NCKAP1: variants seen among roughly 807,000 people sequenced by gnomAD.
The protein encoded by NCKAP1 is NCK associated protein 1.
Under a neutral mutation model 151.2 loss-of-function variants are expected in NCKAP1, and 21 were observed. The observed-to-expected ratio is 0.14, with a 90% CI of 0.10 to 0.20. NCKAP1 has a LOEUF of 0.20. NCKAP1 is among the 10% of genes least tolerant of loss of function. The pLI is 1.00. For synonymous variants in NCKAP1, 484 were observed against 451.8 expected, an observed-to-expected ratio of 1.07 and a Z score of -0.90; for missense variants, 933 against 1,352.1, an observed-to-expected ratio of 0.69 and a Z score of 4.86.
chr2:183,018,559 C>T (rs1698738603), intron 2 of NCKAP1, among the ~76,000 whole-genome samples: 1 of 152,178 alleles, frequency 6.6e-6, no homozygotes, highest in Non-Finnish European at 1.5e-5. Flanking sequence ...CCCTAAAACA[C>T]ATTTATGTTT....
At chr2:182,934,277 A>G (rs986129643) in intron 26 of NCKAP1, 3 of 151,084 alleles carry the variant, frequency 2.0e-5, no homozygotes, top group African/African-American at 7.3e-5. Context: ...AGCTGGGACT[A>G]CAGGCACCCG....
chr2:183,026,755 C>T (rs1351916560), intron 1 of NCKAP1, among the ~76,000 whole-genome samples: 1 of 152,104 alleles, frequency 6.6e-6, no homozygotes, highest in African/African-American at 2.4e-5. Flanking sequence ...GAAATTAGTA[C>T]TTACCTCACA....
intron 15 of NCKAP1, among the ~76,000 whole-genome samples, chr2:182,970,024 G>T (rs2105841516): frequency 6.6e-6 from 1 of 152,184 alleles, no homozygotes; most frequent in Non-Finnish European, 1.5e-5. Context: ...AAACCGACAT[G>T]AAATGGATAC....
At chr2:182,997,811 T>A (rs1698299302) in intron 6 of NCKAP1, among the ~76,000 whole-genome samples, 2 of 152,110 alleles carry the variant, frequency 1.3e-5, no homozygotes, top group Admixed American at 1.3e-4. Flanking sequence ...GGGGAGGGGC[T>A]CCTCATCATT....
At chr2:182,964,611 T>C (rs1697526275) in intron 17 of NCKAP1, 65 bp downstream of exon 17, 1 of 1,331,464 alleles carries the variant, frequency 7.5e-7, no homozygotes, top group African/African-American at 1.5e-5. Context: ...AATATTTGGT[T>C]GGCTACAGGT....
intron 1 of NCKAP1, among the ~76,000 whole-genome samples, chr2:183,027,513 T>C (rs147353335): frequency 6.6e-6 from 1 of 152,142 alleles, no homozygotes; most frequent in African/African-American, 2.4e-5. Flanking sequence ...CTAAAAGTTA[T>C]CAGCTAGGTA....
chr2:182,987,173 C>G (rs1698073447), intron 9 of NCKAP1, among the ~76,000 whole-genome samples: 2 of 152,048 alleles, frequency 1.3e-5, no homozygotes, highest in African/African-American at 2.4e-5. Context: ...TGCCGTGAGG[C>G]AGAGGTTGCA....
intron 9 of NCKAP1, among the ~76,000 whole-genome samples, chr2:182,988,677 C>T (rs999182313): frequency 2.0e-5 from 3 of 152,100 alleles, no homozygotes; most frequent in Admixed American, 6.6e-5. Flanking sequence ...CAAGTACACC[C>T]TATTCTAAAA....
chr2:182,984,890 T>G (rs1396658476), intron 10 of NCKAP1, among the ~76,000 whole-genome samples: 1 of 152,164 alleles, frequency 6.6e-6, no homozygotes, highest in African/African-American at 2.4e-5. Context: ...TACTTATATT[T>G]TATTTAATAA....
In NCKAP1 at chr2:182,966,623, C is replaced by T. The variant is rs79647278; in HGVS notation, c.1628+593G>A. Among the ~76,000 whole-genome samples the T allele has an allele frequency of 4.4e-3, 677 of 152,168 alleles. 3 individuals carry two copies. The highest frequency in any genetic ancestry group is 8.1e-3 in the Non-Finnish European group (549 of 67,998). ...ATCAATCTGATCACAACTAAGTTGACTTATTCATTCAAAGATTTATTAAAT... is the reference window on the plus strand; with the variant it reads ...ATCAATCTGATCACAACTAAGTTGATTTATTCATTCAAAGATTTATTAAAT... On this transcript the variant is annotated intron_variant, in intron 16 of 30. Coordinates refer to ENST00000361354, the MANE Select transcript of NCKAP1 (RefSeq NM_013436.5).
chr2:182,915,241 C>A lies in NCKAP1; in HGVS notation c.*10461G>T, dbSNP rs1173510718. 2 of 152,218 alleles carry A rather than the reference C, an allele frequency of 1.3e-5. No homozygotes were observed. The highest frequency in any genetic ancestry group is 2.9e-5 in the Non-Finnish European group (2 of 68,044). 9.4% of individuals were successfully genotyped at this position (152,218 alleles called of 1,614,324 possible). A position where few individuals can be genotyped will look rare whatever the true frequency, so the allele number is the denominator to read the frequency against. Reference sequence around the variant, plus strand: ...TAGAAGCATTTCTCTAGACACCACACCTATTTTCCAACTGTAATATTCTGT... The same window carrying A: ...TAGAAGCATTTCTCTAGACACCACAACTATTTTCCAACTGTAATATTCTGT... On this transcript the variant is annotated 3_prime_UTR_variant, in exon 31 of 31. Transcript: ENST00000361354.
chr2:182,998,899 G>A (rs985293699), intron 6 of NCKAP1, among the ~76,000 whole-genome samples: 5 of 140,536 alleles, frequency 3.6e-5, no homozygotes, highest in Non-Finnish European at 6.2e-5. Flanking sequence ...CTTACTAATA[G>A]CCACAAAAAA....
chr2:183,003,447 T>C (rs1361189091), intron 2 of NCKAP1, 122 bp from the exon 3 acceptor site: 3 of 642,718 alleles, frequency 4.7e-6, no homozygotes, highest in Non-Finnish European at 7.9e-6. Flanking sequence ...TTCTAGATGA[T>C]TACGGCTTTT....
At position 182,957,649 on chromosome 2, in the gene NCKAP1, T is replaced by A. The variant is rs1386127590; in HGVS notation, c.1882-53A>T. ...CATTACACCAATTACTCTGAAAGCA[T>A]ACTAACTATTCAAGCAAACAGTAGC... On this transcript the variant is annotated intron_variant, in intron 18 of 30. Coordinates refer to ENST00000361354, the MANE Select transcript of NCKAP1 (RefSeq NM_013436.5). 2.6e-6 allele frequency: 4 copies of A among 1,559,336 alleles called. No homozygotes were observed. The African/African-American group carries it at 5.5e-5, about 21-fold the overall frequency.
chr2:183,026,605 G>C (rs997177501), intron 1 of NCKAP1, among the ~76,000 whole-genome samples: 1 of 151,986 alleles, frequency 6.6e-6, no homozygotes, highest in Non-Finnish European at 1.5e-5. Context: ...TTAATTGGGA[G>C]GCAGTATGTC....
At chr2:183,032,070 C>A (rs2105900679) in intron 1 of NCKAP1, among the ~76,000 whole-genome samples, 1 of 152,128 alleles carries the variant, frequency 6.6e-6, no homozygotes, top group Non-Finnish European at 1.5e-5. Flanking sequence ...TTTTTCTGTT[C>A]AAGTTAAGTT....
rs775385656 is a variant in NCKAP1 at position 182,964,796 on chromosome 2, A to G, written c.1641T>C (p.Arg547=). 1 of 1,601,296 alleles carries G rather than the reference A, an allele frequency of 6.2e-7. No homozygotes were observed. Among genetic ancestry groups the G allele is most frequent in the Admixed American group, 1.7e-5 (1 of 57,478 alleles). ...ACTGTTGAAACATCTTCTCAAAAGC[A>G]CGACTATAAAAACTATATAAACAAA... ...SDLSIFCFYS[R]AFEKMFQQCL... is the part of the protein sequence containing the mutation. The change falls in exon 17 of 31, where the codon CGT becomes CGC. Residue 547 remains arginine, a synonymous_variant. Coordinates refer to ENST00000361354, the MANE Select transcript of NCKAP1 (RefSeq NM_013436.5).
At chr2:183,017,212 G>C (rs900735490) in intron 2 of NCKAP1, among the ~76,000 whole-genome samples, 9 of 152,112 alleles carry the variant, frequency 5.9e-5, no homozygotes, top group African/African-American at 2.2e-4. Context: ...CCATGTACTG[G>C]GGCGGAGGGG....
intron 15 of NCKAP1, among the ~76,000 whole-genome samples, chr2:182,969,927 T>G (rs1697652004): frequency 6.6e-6 from 1 of 151,446 alleles, no homozygotes; most frequent in Non-Finnish European, 1.5e-5. Flanking sequence ...CCCAAAAAAA[T>G]CAGAAATAGA....
Sources: allele counts gnomAD v4.1 joint callset (sites outside exome capture counted in the v4.1 genomes callset), GRCh38; gene constraint gnomAD v4.1.1; transcripts MANE v1.5; gene names NCBI Gene and HGNC (gene_info 2026-07-23, HGNC 2026-07-21).